Variants in MAPK10 observed in about 807,000 individuals in gnomAD.
The protein encoded by MAPK10 is JNK3 alpha protein kinase.
In MAPK10, 25 loss-of-function variants were observed where a neutral mutation model predicts 59.3. The observed-to-expected ratio is 0.42, with a 90% CI of 0.31 to 0.59. MAPK10 has a LOEUF of 0.59. Ranked by LOEUF, MAPK10 falls within the 20% of genes least tolerant of loss-of-function variation. MAPK10 has a pLI of 0.15. For synonymous variants in MAPK10, 190 were observed against 200.5 expected (o/e 0.95, Z 0.44); for missense variants, 351 against 568.9 (o/e 0.62, Z 3.90).
intron 9 of MAPK10, among the ~76,000 whole-genome samples, chr4:86,078,575 A>G (rs1186962389): frequency 4.7e-5 from 7 of 148,166 alleles, no homozygotes; most frequent in African/African-American, 1.8e-4. Flanking sequence ...AAAAACAAGT[A>G]TAAGGAAATA....
intron 2 of MAPK10, among the ~76,000 whole-genome samples, chr4:86,195,594 T>G (rs1220845516): frequency 6.6e-6 from 1 of 152,196 alleles, no homozygotes; most frequent in Non-Finnish European, 1.5e-5. Flanking sequence ...TATTATACTT[T>G]AAGTACTGGG....
chr4:86,356,555 C>T (rs1294557835), intron 1 of MAPK10: 1 of 577,642 alleles, frequency 1.7e-6, no homozygotes, highest in African/African-American at 2.0e-5. Flanking sequence ...ATGCAAAACA[C>T]AGGTTTTGTA....
In MAPK10 at chr4:86,101,223, A is replaced by G; in HGVS notation, c.565-6T>C. 2 of 1,611,082 alleles carry G rather than the reference A, an allele frequency of 1.2e-6. No individual in the cohort carries two copies. Among genetic ancestry groups the G allele is most frequent in the Non-Finnish European group, 1.7e-6 (2 of 1,177,566 alleles). ...ATGTTACTTGGTTTTAAATCCTAAC[A>G]GTAAGGATAAGGGAAAAAATTAAAA... On this transcript the variant is annotated splice_region_variant and splice_polypyrimidine_tract_variant and intron_variant, in intron 7 of 13. Coordinates refer to ENST00000641462, the MANE Select transcript of MAPK10 (RefSeq NM_138982.4).
chr4:86,169,369 A>G (rs2073201747), intron 3 of MAPK10, among the ~76,000 whole-genome samples: 1 of 152,212 alleles, frequency 6.6e-6, no homozygotes, highest in Non-Finnish European at 1.5e-5. Flanking sequence ...AAGTGCTTAA[A>G]GGAGTGGATG....
intron 3 of MAPK10, among the ~76,000 whole-genome samples, chr4:86,163,225 T>C (rs924886828): frequency 5.3e-5 from 8 of 152,112 alleles, no homozygotes; most frequent in African/African-American, 1.9e-4. Flanking sequence ...ATAGCAAATA[T>C]GATGTGTTAA....
At chr4:86,334,978 G>C (rs1319704532) in intron 2 of MAPK10, 1 of 143,922 alleles carries the variant, frequency 6.9e-6, no homozygotes, top group East Asian at 2.1e-4. Flanking sequence ...ATATATATTT[G>C]TATGTAAATC....
chr4:86,299,953 T>C (rs1389014688), intron 2 of MAPK10, among the ~76,000 whole-genome samples: 1 of 152,100 alleles, frequency 6.6e-6, no homozygotes, highest in African/African-American at 2.4e-5. Flanking sequence ...AGTCCAATGG[T>C]GCAATCTCTG....
intron 2 of MAPK10, among the ~76,000 whole-genome samples, chr4:86,351,798 T>A (rs1409293559): frequency 6.6e-6 from 1 of 152,194 alleles, no homozygotes; most frequent in Admixed American, 6.5e-5. Context: ...ACTAGGAAGA[T>A]GAACTATTTG....
At chr4:86,475,024 G>C (rs952293055) in intron 1 of MAPK10, among the ~76,000 whole-genome samples, 2 of 152,014 alleles carry the variant, frequency 1.3e-5, no homozygotes, top group African/African-American at 4.8e-5. Context: ...AGCACCTTGT[G>C]ACCCCCACTC....
At chr4:86,050,219 T>C (rs1266871451) in intron 11 of MAPK10, among the ~76,000 whole-genome samples, 1 of 152,188 alleles carries the variant, frequency 6.6e-6, no homozygotes, top group Non-Finnish European at 1.5e-5. Context: ...GGATGAGTTA[T>C]GCCTTATTCC....
At chr4:86,136,272 G>A (rs1408743589) in intron 4 of MAPK10, among the ~76,000 whole-genome samples, 1 of 152,044 alleles carries the variant, frequency 6.6e-6, no homozygotes, top group African/African-American at 2.4e-5. Flanking sequence ...AAAATGTTAA[G>A]GGCAGCCAGA....
At chr4:86,076,828 A>G (rs1227480358) in intron 9 of MAPK10, among the ~76,000 whole-genome samples, 1 of 152,234 alleles carries the variant, frequency 6.6e-6, no homozygotes, top group Non-Finnish European at 1.5e-5. Flanking sequence ...AGAATGACCA[A>G]AACCATTTTT....
chr4:86,147,355 T>C (rs1165614875), intron 4 of MAPK10, among the ~76,000 whole-genome samples: 1 of 152,118 alleles, frequency 6.6e-6, no homozygotes, highest in Non-Finnish European at 1.5e-5. Flanking sequence ...CTCCCAAATG[T>C]CTTTTTCCTT....
intron 2 of MAPK10, among the ~76,000 whole-genome samples, chr4:86,265,624 G>A (rs1402737823): frequency 1.3e-5 from 2 of 151,996 alleles, no homozygotes; most frequent in Non-Finnish European, 2.9e-5. Context: ...AATGGCTTTG[G>A]TGAAAGAGAA....
chr4:86,487,386 G>GTGTGTGT (rs1436637468), intron 1 of MAPK10, among the ~76,000 whole-genome samples: 1 of 73,276 alleles, frequency 1.4e-5, no homozygotes, highest in South Asian at 4.4e-4. Context: ...TGTGTGTGTA[G>GTGTGTGT]AGAGAGAAAG....
At chr4:86,440,948 A>G (rs1485806079) in intron 1 of MAPK10, among the ~76,000 whole-genome samples, 1 of 152,186 alleles carries the variant, frequency 6.6e-6, no homozygotes, top group African/African-American at 2.4e-5. Flanking sequence ...GTAATGGGGA[A>G]GGAGGAGGAA....
At chr4:86,304,020 G>C (rs2095517409) in intron 2 of MAPK10, among the ~76,000 whole-genome samples, 1 of 152,186 alleles carries the variant, frequency 6.6e-6, no homozygotes. Context: ...CCATTTCCAA[G>C]TCTTGAACGG....
intron 2 of MAPK10, among the ~76,000 whole-genome samples, chr4:86,257,706 A>T (rs1239512859): frequency 6.6e-6 from 1 of 152,112 alleles, no homozygotes; most frequent in African/African-American, 2.4e-5. Context: ...ATTACCTAGA[A>T]CAATTCCATT....
In MAPK10 at chr4:86,017,892, TTTGTACTTTTAGTA is replaced by T. The variant is rs1744165834; in HGVS notation, c.1253-536_1253-523del. On this transcript the variant is annotated intron_variant, in intron 13 of 13. Transcript: ENST00000641462. The surrounding 1 kb of genome is among the most constrained non-coding windows in gnomAD (Gnocchi z 4.4). ...TGCGCACCACCACACCCAGCTAATTTTTGTACTTTTAGTAGAGATGAGGTTTCAACATGTTGGCC... is the reference window on the plus strand; with the variant it reads ...TGCGCACCACCACACCCAGCTAATTTGAGATGAGGTTTCAACATGTTGGCC... Among the ~76,000 whole-genome samples, 1 of 152,056 alleles carries T rather than the reference TTTGTACTTTTAGTA, an allele frequency of 6.6e-6. No homozygotes were observed. The highest frequency in any genetic ancestry group is 2.4e-5 in the African/African-American group (1 of 41,380).
Sources: gnomAD v4.1 joint callset for allele counts (sites outside exome capture counted in the v4.1 genomes callset) on GRCh38, gnomAD v4.1.1 for gene constraint, Gnocchi (gnomAD v3.1) non-coding constraint, MANE v1.5 for transcripts, NCBI Gene and HGNC (gene_info 2026-07-23, HGNC 2026-07-21) for gene names.